CPLX2: variants seen among roughly 807,000 people sequenced by gnomAD.
The protein encoded by CPLX2 is complexin-2.
Under a neutral mutation model 16.3 loss-of-function variants are expected in CPLX2, and 5 were observed. The ratio of observed to expected loss-of-function variants is 0.31; its 90% CI spans 0.16 to 0.64. CPLX2 has a LOEUF of 0.64. Ranked by LOEUF, CPLX2 falls within the 30% of genes least tolerant of loss-of-function variation. The pLI is 0.79. For synonymous variants in CPLX2, 89 were observed against 73.2 expected (o/e 1.22, Z -1.10); for missense variants, 144 against 181.4 (o/e 0.79, Z 1.18).
intron 3 of CPLX2, 123 bp downstream of exon 3, chr5:175,879,206 ACTCTT>A: frequency 1.9e-6 from 2 of 1,058,456 alleles, no homozygotes; most frequent in Non-Finnish European, 2.7e-6. Flanking sequence ...TCTGAGCCTC[ACTCTT>A]CTCATCAGCA....
intron 2 of CPLX2, among the ~76,000 whole-genome samples, chr5:175,815,376 G>A (rs1022828310): frequency 8.5e-5 from 13 of 152,252 alleles, no homozygotes; most frequent in Admixed American, 2.0e-4. Context: ...CAGGCTTGGC[G>A]GAGAGCACAT....
At chr5:175,871,452 AGAGAGAGAG>A (rs1759604812), upstream of CPLX2, 4 of 132,446 alleles carry the variant, frequency 3.0e-5, no homozygotes, top group African/African-American at 8.3e-5. Flanking sequence ...AGAGAGAGAG[AGAGAGAGAG>A]AGAGAGAGAG....
At chr5:175,827,159 T>A (rs1758631682) in intron 2 of CPLX2, among the ~76,000 whole-genome samples, 1 of 152,138 alleles carries the variant, frequency 6.6e-6, no homozygotes, top group African/African-American at 2.4e-5. Context: ...CACATGCCCT[T>A]CCCTGCACCA....
chr5:175,856,022 G>A (rs1293497508), intron 2 of CPLX2, among the ~76,000 whole-genome samples: 1 of 152,198 alleles, frequency 6.6e-6, no homozygotes, highest in African/African-American at 2.4e-5. Flanking sequence ...CAGCCATGGA[G>A]TGAGCCTCAT....
intron 2 of CPLX2, among the ~76,000 whole-genome samples, chr5:175,817,611 C>T (rs1240047476): frequency 3.3e-5 from 5 of 152,160 alleles, no homozygotes; most frequent in African/African-American, 1.2e-4. Flanking sequence ...TTTTTAATTA[C>T]TCCCACGATG....
intron 3 of CPLX2, 34 bp from the exon 4 acceptor site, chr5:175,879,814 G>A (rs752873250): frequency 4.4e-6 from 7 of 1,585,254 alleles, no homozygotes; most frequent in East Asian, 4.5e-5. Context: ...TGCCCACCCC[G>A]CTTCATGCGC....
At chr5:175,808,051 G>A (rs760079692) in intron 1 of CPLX2, among the ~76,000 whole-genome samples, 11 of 121,658 alleles carry the variant, frequency 9.0e-5, no homozygotes, top group Non-Finnish European at 1.3e-4. Flanking sequence ...GGGAGGAGGC[G>A]ACAGGTTGTC....
chr5:175,829,624 A>T (rs1474603507), intron 2 of CPLX2, among the ~76,000 whole-genome samples: 1 of 152,148 alleles, frequency 6.6e-6, no homozygotes, highest in African/African-American at 2.4e-5. Context: ...CTATATCTCC[A>T]TCTGAGTGGG....
rs72823117 is a variant in CPLX2, at chr5:175,809,933, G to A, written c.-89+865G>A. Among the ~76,000 whole-genome samples, 10,813 of 152,222 alleles carry A rather than the reference G, an allele frequency of 0.071. 492 individuals are homozygous for A. Among genetic ancestry groups the A allele is most frequent in the South Asian group, 0.1 (497 of 4,824 alleles). ...GTGTATGTGGATATAGAGATCGCTCGATCGCTATAGATATCGTTGCTCATC... is the reference window on the plus strand; with the variant it reads ...GTGTATGTGGATATAGAGATCGCTCAATCGCTATAGATATCGTTGCTCATC... On this transcript the variant is annotated intron_variant, in intron 2 of 4. Coordinates refer to the CPLX2 transcript ENST00000359546. The surrounding 1 kb of genome is among the most constrained non-coding windows in gnomAD (Gnocchi z 4.4).
chr5:175,797,152 C>T (rs1004065434), intron 1 of CPLX2, among the ~76,000 whole-genome samples: 1 of 152,194 alleles, frequency 6.6e-6, no homozygotes, highest in Admixed American at 6.5e-5. Context: ...ACGCTAGCAC[C>T]GCGGCGGCGG....
intron 2 of CPLX2, among the ~76,000 whole-genome samples, chr5:175,858,805 T>C (rs1759307831): frequency 1.3e-5 from 2 of 152,232 alleles, no homozygotes; most frequent in South Asian, 4.1e-4. Flanking sequence ...CAGTACCTCT[T>C]TGATAAAACC....
intron 2 of CPLX2, among the ~76,000 whole-genome samples, chr5:175,848,339 G>A (rs1461768099): frequency 6.6e-6 from 1 of 152,222 alleles, no homozygotes; most frequent in African/African-American, 2.4e-5. Flanking sequence ...AAGCATCCCT[G>A]GACCAAGCGA....
rs911122058 is a variant in CPLX2 at position 175,849,357 on chromosome 5, C to T, written c.-88-29295C>T. On this transcript the variant is annotated intron_variant, in intron 2 of 4. Transcript: ENST00000359546. The surrounding 1 kb of genome is among the most constrained non-coding windows in gnomAD (Gnocchi z 4.4). Reference sequence around the variant, plus strand: ...GGTGAGTTTCGCAACACTGGACGTCCGTGTATACTTTCCTGGGACTGATGT... The same window carrying T: ...GGTGAGTTTCGCAACACTGGACGTCTGTGTATACTTTCCTGGGACTGATGT... 1.8e-4 allele frequency among the ~76,000 whole-genome samples: 28 copies of T among 152,274 alleles called. No individual in the cohort carries two copies. The highest frequency in any genetic ancestry group is 1.6e-3 in the Admixed American group (24 of 15,296).
intron 2 of CPLX2, among the ~76,000 whole-genome samples, chr5:175,816,408 T>C (rs1047758893): frequency 1.3e-5 from 2 of 152,140 alleles, no homozygotes; most frequent in South Asian, 2.1e-4. Context: ...CCTTGTGATC[T>C]GCCCGCCTCA....
intron 2 of CPLX2, among the ~76,000 whole-genome samples, chr5:175,823,258 C>T (rs1481794284): frequency 2.0e-5 from 3 of 152,122 alleles, no homozygotes; most frequent in East Asian, 1.9e-4. Flanking sequence ...ATGCCAGACC[C>T]TTAGTAAATG....
intron 3 of CPLX2, 137 bp from the exon 4 acceptor site, chr5:175,879,711 T>A: frequency 1.3e-6 from 1 of 793,992 alleles, no homozygotes. Context: ...GACACCCTTA[T>A]CCCCACTTTA....
intron 2 of CPLX2, among the ~76,000 whole-genome samples, chr5:175,862,833 G>C (rs373982639): frequency 6.6e-6 from 1 of 152,208 alleles, no homozygotes; most frequent in African/African-American, 2.4e-5. Flanking sequence ...GATCAGTCCA[G>C]CCCAGTTCAT....
At chr5:175,847,931 C>T (rs1307653816) in intron 2 of CPLX2, among the ~76,000 whole-genome samples, 4 of 152,242 alleles carry the variant, frequency 2.6e-5, no homozygotes, top group Non-Finnish European at 5.9e-5. Flanking sequence ...GCTGACAGTG[C>T]TGTTCCAAGT....
In CPLX2 at chr5:175,845,464, T is replaced by C. The variant is rs1285559863; in HGVS notation, c.-88-33188T>C. Among the ~76,000 whole-genome samples, 2 of 152,106 alleles carry C rather than the reference T, an allele frequency of 1.3e-5. No individual in the cohort carries two copies. Among genetic ancestry groups the C allele is most frequent in the African/African-American group, 4.8e-5 (2 of 41,410 alleles). ...ACAGGCCCTTTGCACCTGCTTTTGC[T>C]CTCCTTGGCAGATTATCCCATCAGG... On this transcript the variant is annotated intron_variant, in intron 2 of 4. Coordinates refer to the CPLX2 transcript ENST00000359546. The surrounding 1 kb of genome is among the most constrained non-coding windows in gnomAD (Gnocchi z 4.0).
Sources: gnomAD v4.1 joint callset for allele counts (sites outside exome capture counted in the v4.1 genomes callset) on GRCh38, gnomAD v4.1.1 for gene constraint, Gnocchi (gnomAD v3.1) non-coding constraint, MANE v1.5 for transcripts, NCBI Gene and HGNC (gene_info 2026-07-23, HGNC 2026-07-21) for gene names.